The following ZC2HC1A variants were observed in gnomAD, a reference collection of about 807,000 sequenced individuals.
ZC2HC1A encodes the protein zinc finger C2HC domain-containing protein 1A.
In ZC2HC1A, 28 loss-of-function variants were observed where a neutral mutation model predicts 40.7. The observed-to-expected ratio is 0.69, with a 90% CI of 0.51 to 0.94. The LOEUF (loss-of-function observed/expected upper bound fraction) is 0.94, where lower values mean the gene tolerates loss of function less well. Among genes scored for constraint, ZC2HC1A ranks in the 40% least tolerant of loss-of-function variants. ZC2HC1A has a pLI of 0.00. For synonymous variants in ZC2HC1A, 129 were observed against 129.2 expected, an observed-to-expected ratio of 1.00 and a Z score of 0.01; for missense variants, 389 against 386.3, an observed-to-expected ratio of 1.01 and a Z score of -0.06.
intron 7 of ZC2HC1A, among the ~76,000 whole-genome samples, chr8:78,702,962 T>C (rs1000281082): frequency 7.2e-5 from 11 of 152,154 alleles, no homozygotes; most frequent in African/African-American, 2.4e-4. Flanking sequence ...TGTGGCATGA[T>C]CTTGGCTCGC....
At chr8:78,690,574 A>G (rs1374062572) in intron 5 of ZC2HC1A, among the ~76,000 whole-genome samples, 3 of 151,976 alleles carry the variant, frequency 2.0e-5, no homozygotes, top group Non-Finnish European at 4.4e-5. Flanking sequence ...AAAAAAAAAA[A>G]ACTTTGGCCA....
At chr8:78,687,588 A>C (rs188875128) in intron 4 of ZC2HC1A, among the ~76,000 whole-genome samples, 15 of 140,824 alleles carry the variant, frequency 1.1e-4, no homozygotes, top group African/African-American at 2.6e-4. Flanking sequence ...TTACGTAATA[A>C]ATTATATATA....
At chr8:78,698,358 T>C in intron 6 of ZC2HC1A, 56 bp from the exon 7 acceptor site, 2 of 1,383,666 alleles carry the variant, frequency 1.4e-6, no homozygotes, top group African/African-American at 2.9e-5. Context: ...TTAGATGCTC[T>C]GTTTTATGTA....
chr8:78,687,912 AATAT>A (rs200421095), intron 4 of ZC2HC1A, among the ~76,000 whole-genome samples: 6 of 114,642 alleles, frequency 5.2e-5, no homozygotes, highest in Non-Finnish European at 1.1e-4. Flanking sequence ...TATTTATATA[AATAT>A]ATAATTATTT....
At position 78,666,128 on chromosome 8, in the gene ZC2HC1A, TGAGCTC is replaced by T; in HGVS notation, c.-17_-12del. 1 of 1,566,368 alleles carries T rather than the reference TGAGCTC, an allele frequency of 6.4e-7. No homozygotes were observed. ...GCGGGCGCTGCTGAAGGAGTCTCGCTGAGCTCGAGGAGGTGGCGCGATGGAGGGACT... is the reference window on the plus strand; with the variant it reads ...GCGGGCGCTGCTGAAGGAGTCTCGCTGAGGAGGTGGCGCGATGGAGGGACT... On this transcript the variant is annotated 5_prime_UTR_variant, in exon 1 of 9. Coordinates refer to ENST00000263849, the MANE Select transcript of ZC2HC1A (RefSeq NM_016010.3).
At chr8:78,699,318 A>G (rs114546137) in intron 7 of ZC2HC1A, among the ~76,000 whole-genome samples, 2,492 of 152,252 alleles carry the variant, frequency 0.016, 62 homozygotes, top group African/African-American at 0.057. Context: ...ATAGAGCCAT[A>G]TATTTTTAGA....
rs142285052 is a variant in ZC2HC1A, at chr8:78,680,629, T to C, written c.210+1950T>C. ...GGCAAAGCAACTACAAACTTCATTT[T>C]TGGAAAAACAAAAGGTAGGCATAAT... On this transcript the variant is annotated intron_variant, in intron 3 of 8. Coordinates refer to ENST00000263849, the MANE Select transcript of ZC2HC1A (RefSeq NM_016010.3). 4.0e-3 allele frequency among the ~76,000 whole-genome samples: 616 copies of C among 152,270 alleles called. 6 individuals are homozygous for C. Among genetic ancestry groups the C allele is most frequent in the African/African-American group, 0.014 (567 of 41,550 alleles).
At chr8:78,706,231 G>C (rs1810767759) in intron 7 of ZC2HC1A, among the ~76,000 whole-genome samples, 1 of 152,154 alleles carries the variant, frequency 6.6e-6, no homozygotes, top group South Asian at 2.1e-4. Flanking sequence ...GTCTTATCCT[G>C]TGAGGTGTTA....
chr8:78,698,770 A>G (rs1187020583), intron 7 of ZC2HC1A, among the ~76,000 whole-genome samples: 2 of 152,190 alleles, frequency 1.3e-5, no homozygotes, highest in African/African-American at 4.8e-5. Flanking sequence ...ATTTAGTCTA[A>G]GGAAATAATT....
intron 7 of ZC2HC1A, among the ~76,000 whole-genome samples, chr8:78,708,946 A>C (rs1190664894): frequency 6.6e-6 from 1 of 152,134 alleles, no homozygotes; most frequent in Non-Finnish European, 1.5e-5. Context: ...GATTACAGGC[A>C]TGAGCCACCA....
chr8:78,713,808 C>T lies in ZC2HC1A; in HGVS notation c.705-1413C>T, dbSNP rs373649304. On this transcript the variant is annotated intron_variant, in intron 7 of 8. Transcript: ENST00000263849. The stretch of plus-strand genomic sequence containing the variant: ...TACTACTCTGGCCACGTAGTAGCCT[C>T]ACAATTTATATAATCTCTTTGAACA... Among the ~76,000 whole-genome samples, 6 of 152,268 alleles carry T rather than the reference C, an allele frequency of 3.9e-5. No homozygotes were observed. The South Asian group carries it at 1.0e-3, about 26-fold the overall frequency.
At chr8:78,699,504 G>C (rs1434596597) in intron 7 of ZC2HC1A, among the ~76,000 whole-genome samples, 1 of 151,976 alleles carries the variant, frequency 6.6e-6, no homozygotes, top group Non-Finnish European at 1.5e-5. Flanking sequence ...TACAAGTGCA[G>C]GTTTGTTACA....
intron 8 of ZC2HC1A, among the ~76,000 whole-genome samples, chr8:78,716,525 A>G (rs891475845): frequency 1.3e-5 from 2 of 152,142 alleles, no homozygotes; most frequent in African/African-American, 4.8e-5. Flanking sequence ...AAATAATAAA[A>G]CTAAAATAAA....
Position 78,719,341 on chromosome 8 carries a change from T to C in ZC2HC1A, c.*1848T>C, listed in dbSNP as rs1195497505. 3 of 151,758 alleles carry C rather than the reference T, an allele frequency of 2.0e-5. No homozygotes were observed. Among genetic ancestry groups the C allele is most frequent in the South Asian group, 2.1e-4 (1 of 4,832 alleles). 9.4% of individuals were successfully genotyped at this position (151,758 alleles called of 1,614,324 possible). On this transcript the variant is annotated 3_prime_UTR_variant, in exon 9 of 9. Coordinates refer to ENST00000263849, the MANE Select transcript of ZC2HC1A (RefSeq NM_016010.3). ...ATTTTACAGTAGTAAATTAATGTTA[T>C]AATGTACCACATGGAGATGAGTTGG...
At chr8:78,698,605 T>A in intron 7 of ZC2HC1A, 92 bp downstream of exon 7, 1 of 954,068 alleles carries the variant, frequency 1.0e-6, no homozygotes. Context: ...TCATTCATCT[T>A]CATTTCCTAA....
chr8:78,701,752 T>A (rs948392144), intron 7 of ZC2HC1A, among the ~76,000 whole-genome samples: 2 of 152,244 alleles, frequency 1.3e-5, no homozygotes, highest in Admixed American at 1.3e-4. Flanking sequence ...AAGATAATCA[T>A]GTGCTTTTTG....
chr8:78,697,777 C>T (rs1810474851), intron 6 of ZC2HC1A, among the ~76,000 whole-genome samples: 1 of 150,886 alleles, frequency 6.6e-6, no homozygotes, highest in South Asian at 2.1e-4. Flanking sequence ...CTCCCAGGTT[C>T]AAATGATTCT....
intron 7 of ZC2HC1A, among the ~76,000 whole-genome samples, 199 bp from the exon 8 acceptor site, chr8:78,715,022 A>G (rs529453772): frequency 1.3e-5 from 2 of 152,330 alleles, no homozygotes; most frequent in African/African-American, 4.8e-5. Flanking sequence ...TCAGAATAGT[A>G]TTAGTAAATG....
chr8:78,696,912 ATGTT>A (rs1386761319), intron 5 of ZC2HC1A, among the ~76,000 whole-genome samples: 1 of 152,162 alleles, frequency 6.6e-6, no homozygotes, highest in African/African-American at 2.4e-5. Context: ...TTTTCTACTA[ATGTT>A]TGTTTGGTGT....
Sources: allele counts gnomAD v4.1 joint callset (sites outside exome capture counted in the v4.1 genomes callset), GRCh38; gene constraint gnomAD v4.1.1; transcripts MANE v1.5; gene names NCBI Gene and HGNC (gene_info 2026-07-23, HGNC 2026-07-21).